FOXP2: variants seen among roughly 807,000 people sequenced by gnomAD.
FOXP2 encodes forkhead box P2.
Under a neutral mutation model 115.8 loss-of-function variants are expected in FOXP2, and 12 were observed. The observed-to-expected ratio is 0.10, with a 90% CI of 0.07 to 0.17. The LOEUF is 0.17. Ranked by LOEUF, FOXP2 falls within the 10% of genes least tolerant of loss-of-function variation. The pLI is 1.00. For synonymous variants in FOXP2, 328 were observed against 297.7 expected, an observed-to-expected ratio of 1.10 and a Z score of -1.05; for missense variants, 629 against 843.5, an observed-to-expected ratio of 0.75 and a Z score of 3.15.
Position 114,250,452 on chromosome 7 carries a change from C to T in FOXP2, c.-101-37567C>T, listed in dbSNP as rs1795411316. On this transcript the variant is annotated intron_variant, in intron 1 of 17. Coordinates refer to the FOXP2 transcript ENST00000634411. ...TCCTGTTTCTCCACATCTTCTCCAG[C>T]ACCTGTTGTTTCCTGACTTTTTAAT... Among the ~76,000 whole-genome samples the T allele has an allele frequency of 2.6e-5, 4 of 152,206 alleles. No individual in the cohort carries two copies. In the South Asian group the frequency reaches 8.3e-4, roughly 32 times the overall value.
chr7:114,285,220 C>T (rs768188192), intron 1 of FOXP2, among the ~76,000 whole-genome samples: 12 of 151,958 alleles, frequency 7.9e-5, no homozygotes, highest in Middle Eastern at 3.2e-3. Context: ...ATGTGACTTT[C>T]TTCAAGAAAT....
intron 1 of FOXP2, among the ~76,000 whole-genome samples, chr7:114,168,424 T>C (rs1403954997): frequency 2.0e-5 from 3 of 152,174 alleles, no homozygotes; most frequent in African/African-American, 4.8e-5. Flanking sequence ...ACTTTTGTTA[T>C]GTTTTAGCAG....
chr7:114,607,967 T>C (rs1803422100), intron 3 of FOXP2, among the ~76,000 whole-genome samples: 1 of 152,216 alleles, frequency 6.6e-6, no homozygotes, highest in Admixed American at 6.5e-5. Flanking sequence ...ATAAATCAGG[T>C]GGGCAAAATT....
upstream of FOXP2, among the ~76,000 whole-genome samples, chr7:114,159,870 T>TA (rs1177032869): frequency 5.9e-5 from 9 of 152,196 alleles, no homozygotes; most frequent in Non-Finnish European, 4.4e-5. Flanking sequence ...GATCCAAAGA[T>TA]ACAGGGGAAG....
intron 3 of FOXP2, among the ~76,000 whole-genome samples, chr7:114,565,558 C>T (rs1800976356): frequency 6.6e-6 from 1 of 152,128 alleles, no homozygotes; most frequent in Admixed American, 6.6e-5. Flanking sequence ...TAACAAGCTT[C>T]TCCAAAGATT....
At chr7:114,385,106 AG>A (rs1792411951) in intron 2 of FOXP2, among the ~76,000 whole-genome samples, 2 of 151,588 alleles carry the variant, frequency 1.3e-5, no homozygotes, top group South Asian at 4.2e-4. Context: ...GGCCCTGGCA[AG>A]GGTGGTGGGG....
intron 2 of FOXP2, among the ~76,000 whole-genome samples, chr7:114,456,540 G>A (rs1795318947): frequency 6.6e-6 from 1 of 152,154 alleles, no homozygotes; most frequent in Non-Finnish European, 1.5e-5. Context: ...AGTATAGAAA[G>A]TGGGTGTCTT....
intron 2 of FOXP2, among the ~76,000 whole-genome samples, chr7:114,366,081 T>G (rs1791873680): frequency 6.6e-6 from 1 of 152,046 alleles, no homozygotes; most frequent in African/African-American, 2.4e-5. Flanking sequence ...CAGAAAAACG[T>G]GTGCAGACTA....
At chr7:114,322,625 A>G (rs1271559761) in intron 2 of FOXP2, among the ~76,000 whole-genome samples, 2 of 152,136 alleles carry the variant, frequency 1.3e-5, no homozygotes, top group African/African-American at 2.4e-5. Flanking sequence ...AAACTGAGAC[A>G]GAGAGGTTAA....
intron 2 of FOXP2, among the ~76,000 whole-genome samples, chr7:114,490,612 G>A (rs879380492): frequency 2.7e-4 from 41 of 151,802 alleles, no homozygotes; most frequent in African/African-American, 8.5e-4. Flanking sequence ...CCATTAACTC[G>A]TCATTTAACA....
chr7:114,337,037 C>A (rs1293777442), intron 2 of FOXP2, among the ~76,000 whole-genome samples: 1 of 151,488 alleles, frequency 6.6e-6, no homozygotes, highest in Non-Finnish European at 1.5e-5. Flanking sequence ...TCTATGGCTG[C>A]AGTTAATTTA....
intron 2 of FOXP2, among the ~76,000 whole-genome samples, chr7:114,388,798 A>C (rs1167981771): frequency 6.6e-6 from 1 of 152,210 alleles, no homozygotes; most frequent in Admixed American, 6.5e-5. Context: ...GTTAAAATGC[A>C]TATATTAGAA....
intron 2 of FOXP2, among the ~76,000 whole-genome samples, chr7:114,388,216 C>A (rs1484218094): frequency 6.6e-6 from 1 of 152,082 alleles, no homozygotes; most frequent in Non-Finnish European, 1.5e-5. Flanking sequence ...ACACTCTTAT[C>A]AGATTTGGCT....
At chr7:114,333,113 C>T (rs1420920951) in intron 2 of FOXP2, among the ~76,000 whole-genome samples, 1 of 151,856 alleles carries the variant, frequency 6.6e-6, no homozygotes, top group Non-Finnish European at 1.5e-5. Context: ...AATAATATTT[C>T]TAAATTACAA....
chr7:114,537,147 T>C (rs1369899741), intron 3 of FOXP2, among the ~76,000 whole-genome samples: 1 of 151,608 alleles, frequency 6.6e-6, no homozygotes, highest in African/African-American at 2.4e-5. Context: ...GATATGAAAT[T>C]AGCATTTTAA....
At chr7:114,583,852 A>T (rs1376536209) in intron 3 of FOXP2, among the ~76,000 whole-genome samples, 1 of 152,188 alleles carries the variant, frequency 6.6e-6, no homozygotes, top group African/African-American at 2.4e-5. Flanking sequence ...CACATTTTTT[A>T]AGTTACCAGC....
intron 1 of FOXP2, among the ~76,000 whole-genome samples, chr7:114,424,050 T>C (rs973547970): frequency 1.3e-5 from 2 of 151,604 alleles, no homozygotes; most frequent in Admixed American, 6.6e-5. Flanking sequence ...GTTTATACTG[T>C]AGGGTTTTAT....
At chr7:114,199,590 G>C (rs777067148) in intron 1 of FOXP2, among the ~76,000 whole-genome samples, 5 of 152,104 alleles carry the variant, frequency 3.3e-5, no homozygotes, top group Admixed American at 6.6e-5. Context: ...TCTGTATTTG[G>C]CCCTACTCAT....
rs1174095764 is a variant in FOXP2 at position 114,693,496 on chromosome 7, A to G, written c.*3570A>G. 3 of 452,466 alleles carry G rather than the reference A, an allele frequency of 6.6e-6. No homozygotes were observed. Among genetic ancestry groups the G allele is most frequent in the African/African-American group, 6.0e-5 (3 of 49,900 alleles). The allele number at this position is 452,466 out of a possible 1,614,324, so 28.0% of individuals were successfully genotyped here. ...CATGCCAGTATTAACACACATTTGGACAATAGCTTTATTAAGTCTATAAAG... is the reference window on the plus strand; with the variant it reads ...CATGCCAGTATTAACACACATTTGGGCAATAGCTTTATTAAGTCTATAAAG... On this transcript the variant is annotated 3_prime_UTR_variant, in exon 17 of 17. Coordinates refer to ENST00000350908, the MANE Select transcript of FOXP2 (RefSeq NM_014491.4).
Sources: gnomAD v4.1 joint callset for allele counts (sites outside exome capture counted in the v4.1 genomes callset) on GRCh38, gnomAD v4.1.1 for gene constraint, MANE v1.5 for transcripts, NCBI Gene and HGNC (gene_info 2026-07-23, HGNC 2026-07-21) for gene names.